The following ATP2B2 variants were observed in gnomAD, a reference collection of about 807,000 sequenced individuals.
ATP2B2 encodes the protein plasma membrane calcium-transporting ATPase 2.
Under a neutral mutation model 120.0 loss-of-function variants are expected in ATP2B2, and 15 were observed. The ratio of observed to expected loss-of-function variants is 0.12; its 90% CI spans 0.08 to 0.19. The LOEUF (loss-of-function observed/expected upper bound fraction) is 0.19. Ranked by LOEUF, ATP2B2 falls within the 10% of genes least tolerant of loss-of-function variation. The pLI, the probability that ATP2B2 is intolerant of heterozygous loss-of-function variation, is 1.00. For synonymous variants in ATP2B2, 694 were observed against 700.3 expected (o/e 0.99, Z 0.14); for missense variants, 1,045 against 1,719.8 (o/e 0.61, Z 6.94).
chr3:10,640,640 G>A (rs1174114485), intron 1 of ATP2B2, among the ~76,000 whole-genome samples: 1 of 152,170 alleles, frequency 6.6e-6, no homozygotes, highest in Non-Finnish European at 1.5e-5. Context: ...TGGAGGAGGA[G>A]GGCCCTTGTA....
intron 2 of ATP2B2, among the ~76,000 whole-genome samples, chr3:10,427,128 T>C (rs2063170404): frequency 1.3e-5 from 2 of 152,116 alleles, no homozygotes; most frequent in Admixed American, 1.3e-4. Flanking sequence ...GTTAAGGAAA[T>C]AGGGATAAGC....
At chr3:10,648,639 C>T (rs1395876793) in intron 1 of ATP2B2, among the ~76,000 whole-genome samples, 1 of 152,204 alleles carries the variant, frequency 6.6e-6, no homozygotes, top group Non-Finnish European at 1.5e-5. Flanking sequence ...CTCCCCCAAA[C>T]CTGGTCCTGG....
At chr3:10,637,222 A>C (rs1161754831) in intron 1 of ATP2B2, among the ~76,000 whole-genome samples, 1 of 152,242 alleles carries the variant, frequency 6.6e-6, no homozygotes, top group East Asian at 1.9e-4. Context: ...CGATAAGATT[A>C]CAAAAATATC....
intron 1 of ATP2B2, among the ~76,000 whole-genome samples, chr3:10,451,322 A>T (rs566029925): frequency 2.0e-5 from 3 of 152,282 alleles, no homozygotes; most frequent in South Asian, 2.1e-4. Flanking sequence ...AGTATCTGGC[A>T]TTGGAGCGAT....
At chr3:10,471,288 T>A (rs1340693402) in intron 1 of ATP2B2, among the ~76,000 whole-genome samples, 3 of 152,076 alleles carry the variant, frequency 2.0e-5, no homozygotes, top group Non-Finnish European at 4.4e-5. Flanking sequence ...TTCGGGCCAA[T>A]CCCACCCTCT....
intron 2 of ATP2B2, among the ~76,000 whole-genome samples, chr3:10,612,626 C>T (rs2069272721): frequency 6.6e-6 from 1 of 152,188 alleles, no homozygotes; most frequent in African/African-American, 2.4e-5. Context: ...TAAATACGAT[C>T]TATATACTGA....
At chr3:10,558,912 C>A (rs1000822548) in intron 2 of ATP2B2, among the ~76,000 whole-genome samples, 8 of 152,158 alleles carry the variant, frequency 5.3e-5, no homozygotes, top group African/African-American at 1.4e-4. Flanking sequence ...GGTGGCCCTG[C>A]ACCCTCCAGG....
At chr3:10,414,273 T>C (rs962775515) in intron 2 of ATP2B2, among the ~76,000 whole-genome samples, 1 of 152,164 alleles carries the variant, frequency 6.6e-6, no homozygotes, top group Non-Finnish European at 1.5e-5. Context: ...ACAGTGTAAA[T>C]AGTTGATAAT....
chr3:10,544,687 C>T (rs911558217), intron 2 of ATP2B2, among the ~76,000 whole-genome samples: 1 of 152,222 alleles, frequency 6.6e-6, no homozygotes, highest in African/African-American at 2.4e-5. Context: ...CAGAAGAGGG[C>T]TCCACCTGTG....
intron 5 of ATP2B2, chr3:10,394,348 G>C (rs1369699736): frequency 1.1e-5 from 5 of 445,978 alleles, no homozygotes; most frequent in Non-Finnish European, 1.9e-5. Context: ...AGTAGGCAAA[G>C]TGTCCCCCTC....
In ATP2B2 at chr3:10,326,610, C is replaced by G. The variant is rs1333016606; in HGVS notation, c.*2204G>C. 1 of 398,212 alleles carries G rather than the reference C, an allele frequency of 2.5e-6. No individual in the cohort carries two copies. Among genetic ancestry groups the G allele is most frequent in the Non-Finnish European group, 4.4e-6 (1 of 226,032 alleles). 24.7% of individuals were successfully genotyped at this position (398,212 alleles called of 1,614,324 possible). A position where few individuals can be genotyped will look rare whatever the true frequency, so the allele number is the denominator to read the frequency against. Reference sequence around the variant, plus strand: ...TCCTTCCTTGTAGGAGAGCAGTGGGCTGGCTTTGGTGGCGTTTGTACTGGA... The same window carrying G: ...TCCTTCCTTGTAGGAGAGCAGTGGGGTGGCTTTGGTGGCGTTTGTACTGGA... On this transcript the variant is annotated 3_prime_UTR_variant, in exon 23 of 23. Transcript: ENST00000360273.
intron 1 of ATP2B2, among the ~76,000 whole-genome samples, chr3:10,693,348 C>T (rs2071697485): frequency 6.6e-6 from 1 of 152,212 alleles, no homozygotes; most frequent in Non-Finnish European, 1.5e-5. Context: ...GAAATGGGTA[C>T]AATCTACTCT....
chr3:10,651,930 G>A (rs2070478325), intron 1 of ATP2B2, among the ~76,000 whole-genome samples: 1 of 152,156 alleles, frequency 6.6e-6, no homozygotes, highest in Non-Finnish European at 1.5e-5. Flanking sequence ...ATTTGGTGCT[G>A]TCTTCTGATG....
At position 10,645,329 on chromosome 3, in the gene ATP2B2, T is replaced by G. The variant is rs576225089; in HGVS notation, c.-459-25368A>C. 6.6e-5 allele frequency among the ~76,000 whole-genome samples: 10 copies of G among 152,312 alleles called. No homozygotes were observed. The South Asian group carries it at 2.1e-3, about 32-fold the overall frequency. Reference sequence around the variant, plus strand: ...GACTTCACTGGGGCTGTTGATGATATGTGAGTATGAACAGTGGATTAAGCA... The same window carrying G: ...GACTTCACTGGGGCTGTTGATGATAGGTGAGTATGAACAGTGGATTAAGCA... On this transcript the variant is annotated intron_variant, in intron 1 of 21. Coordinates refer to the ATP2B2 transcript ENST00000646379.
intron 1 of ATP2B2, among the ~76,000 whole-genome samples, chr3:10,490,447 A>G (rs888461): frequency 0.03 from 4,415 of 146,726 alleles, 90 homozygotes; most frequent in Middle Eastern, 0.1. Context: ...TCTGTCGCAC[A>G]GGCTGGAGAG....
intron 1 of ATP2B2, among the ~76,000 whole-genome samples, chr3:10,657,233 A>T (rs2070655743): frequency 6.6e-6 from 1 of 152,192 alleles, no homozygotes; most frequent in South Asian, 2.1e-4. Context: ...AGTTCCACCA[A>T]CAAGCAGTGC....
chr3:10,597,569 G>T (rs1317415261), intron 2 of ATP2B2, among the ~76,000 whole-genome samples: 1 of 152,302 alleles, frequency 6.6e-6, no homozygotes, highest in East Asian at 1.9e-4. Context: ...CCAAATATTT[G>T]CCAAGTGCCC....
intron 2 of ATP2B2, among the ~76,000 whole-genome samples, chr3:10,616,579 T>C (rs1050304552): frequency 2.0e-5 from 3 of 152,168 alleles, no homozygotes; most frequent in African/African-American, 4.8e-5. Context: ...TATGTGACAT[T>C]GACCTTGGCT....
At chr3:10,595,112 C>T (rs2068735125) in intron 2 of ATP2B2, among the ~76,000 whole-genome samples, 1 of 152,226 alleles carries the variant, frequency 6.6e-6, no homozygotes, top group African/African-American at 2.4e-5. Context: ...TGATTGGCTC[C>T]AGGATGCTGA....
Sources: gnomAD v4.1 joint callset for allele counts (sites outside exome capture counted in the v4.1 genomes callset) on GRCh38, gnomAD v4.1.1 for gene constraint, MANE v1.5 for transcripts, NCBI Gene and HGNC (gene_info 2026-07-23, HGNC 2026-07-21) for gene names.